BBX: variants seen among roughly 807,000 people sequenced by gnomAD.
BBX encodes the protein BBX high mobility group box domain containing.
BBX carries 30 observed loss-of-function variants against 100.2 expected under a neutral mutation model. The ratio of observed to expected loss-of-function variants is 0.30; its 90% confidence interval spans 0.22 to 0.41. The LOEUF is 0.41. Ranked by LOEUF, BBX falls within the 10% of genes least tolerant of loss-of-function variation. BBX has a pLI of 1.00. For missense variants in BBX, 1,023 were observed against 1,129.8 expected, an observed-to-expected ratio of 0.91 and a Z score of 1.35; for synonymous variants, 376 against 388.1, an observed-to-expected ratio of 0.97 and a Z score of 0.37.
chr3:107,715,416 AGT>A (rs2062033095), intron 4 of BBX, among the ~76,000 whole-genome samples: 1 of 152,224 alleles, frequency 6.6e-6, no homozygotes, highest in Non-Finnish European at 1.5e-5. Flanking sequence ...TTACAAGTTG[AGT>A]ATCCCTAATC....
In BBX at chr3:107,789,835, A is replaced by G. The variant is rs1427242296; in HGVS notation, c.2252A>G (p.Lys751Arg). 6.4e-7 allele frequency: 1 copy of G among 1,550,454 alleles called. No homozygotes were observed. Among genetic ancestry groups the G allele is most frequent in the South Asian group, 1.2e-5 (1 of 83,900 alleles). The change falls in exon 14 of 18, where the codon AAA becomes AGA. Residue 751 changes from lysine to arginine, a missense_variant. Physicochemically the swap from Lys to Arg is conservative, Grantham distance 26 (BLOSUM62 2). This residue lies in a region of BBX where 215 missense variants were observed against 211.3 expected (regional missense o/e 1.02). Transcript: ENST00000325805. ...KKNLFHKIVS[K>R]YKHKKEKPNV... ...AACTTATTCCACAAAATTGTCAGCA[A>G]ATATAAGCACAAAAAGGAGAAGCCC...
At chr3:107,747,228 A>AGT (rs148845246) in intron 8 of BBX, among the ~76,000 whole-genome samples, 3,806 of 148,154 alleles carry the variant, frequency 0.026, 92 homozygotes, top group African/African-American at 0.068. Flanking sequence ...CTAACGTGTG[A>AGT]GTGTGTGTGT....
chr3:107,636,619 T>G (rs527965361), intron 2 of BBX, among the ~76,000 whole-genome samples: 1 of 152,230 alleles, frequency 6.6e-6, no homozygotes, highest in Non-Finnish European at 1.5e-5. Flanking sequence ...GTAGTACTTA[T>G]AATTGGTGCC....
chr3:107,774,848 G>C lies in BBX; in HGVS notation c.2045G>C (p.Cys682Ser). The change falls in exon 12 of 18, where the codon TGT becomes TCT. Residue 682 changes from cysteine to serine, a missense_variant. By Grantham distance (112) the Cys-to-Ser change is moderately radical. Transcript: ENST00000325805. The part of the protein sequence containing the change: ...KFKKTKPKED[C>S]LLGSAKLDEE... ...AAGAAGACAAAGCCAAAAGAAGACT[G>C]TCTCCTTGGGTAAGTGCCTGTGAGC... 6.2e-7 allele frequency: 1 copy of C among 1,613,024 alleles called. No individual in the cohort carries two copies. Among genetic ancestry groups the C allele is most frequent in the Non-Finnish European group, 8.5e-7 (1 of 1,179,384 alleles).
intron 14 of BBX, among the ~76,000 whole-genome samples, chr3:107,790,815 T>A (rs1450435129): frequency 6.6e-6 from 1 of 152,242 alleles, no homozygotes; most frequent in Non-Finnish European, 1.5e-5. Flanking sequence ...TGTATGTTCC[T>A]GTATGTAACC....
chr3:107,562,347 A>G (rs921111762), intron 2 of BBX, among the ~76,000 whole-genome samples: 6 of 152,220 alleles, frequency 3.9e-5, no homozygotes, highest in Non-Finnish European at 7.3e-5. Context: ...TGTGTTTTAT[A>G]GAGGGCAGAT....
intron 2 of BBX, among the ~76,000 whole-genome samples, chr3:107,536,846 C>T (rs1167005941): frequency 6.6e-6 from 1 of 152,048 alleles, no homozygotes; most frequent in Admixed American, 6.6e-5. Context: ...CTGGAAAAGG[C>T]TAGTCAATGT....
At chr3:107,606,213 G>A (rs1367689033) in intron 2 of BBX, among the ~76,000 whole-genome samples, 1 of 152,162 alleles carries the variant, frequency 6.6e-6, no homozygotes, top group Admixed American at 6.5e-5. Context: ...GAGAAATAAT[G>A]TTCACAACAA....
At chr3:107,657,923 C>CA (rs2058239879) in intron 3 of BBX, among the ~76,000 whole-genome samples, 2 of 152,134 alleles carry the variant, frequency 1.3e-5, no homozygotes, top group African/African-American at 4.8e-5. Flanking sequence ...GAAAGAAATC[C>CA]AATCAGATCT....
chr3:107,605,088 C>T (rs939332602), intron 2 of BBX, among the ~76,000 whole-genome samples: 1 of 152,132 alleles, frequency 6.6e-6, no homozygotes, highest in African/African-American at 2.4e-5. Flanking sequence ...ACATGATAAC[C>T]ATTGCATTCT....
At chr3:107,663,879 C>T (rs1023819021) in intron 3 of BBX, among the ~76,000 whole-genome samples, 2 of 151,036 alleles carry the variant, frequency 1.3e-5, no homozygotes, top group African/African-American at 2.4e-5. Flanking sequence ...CATCTCGGCT[C>T]ACTGCAAGCT....
chr3:107,805,650 T>A lies in BBX; in HGVS notation c.*193T>A, dbSNP rs2071013637. ...TTGTTCTCTCAGAACCCAGAATCTT[T>A]GAGGGTAAGGTTATCTGTCTGATAC... On this transcript the variant is annotated 3_prime_UTR_variant, in exon 18 of 18. Transcript: ENST00000325805. 9.4e-7 allele frequency: 1 copy of A among 1,058,838 alleles called. No individual in the cohort carries two copies. Among genetic ancestry groups the A allele is most frequent in the African/African-American group, 1.6e-5 (1 of 62,386 alleles). The allele number at this position is 1,058,838 out of a possible 1,614,324, so 65.6% of individuals were successfully genotyped here. A position where few individuals can be genotyped will look rare whatever the true frequency, so the allele number is the denominator to read the frequency against.
At chr3:107,748,657 GGAGCCCTGGCCTCAA>G (rs1350778647) in intron 9 of BBX, among the ~76,000 whole-genome samples, 3 of 152,148 alleles carry the variant, frequency 2.0e-5, no homozygotes, top group Admixed American at 2.0e-4. Context: ...TTTTGCCACA[GGAGCCCTGGCCTCAA>G]CCATATGCTC....
At chr3:107,727,729 T>A (rs1268348194) in intron 5 of BBX, among the ~76,000 whole-genome samples, 1 of 152,124 alleles carries the variant, frequency 6.6e-6, no homozygotes, top group African/African-American at 2.4e-5. Context: ...ATAAGGAAAG[T>A]ATATAGCAAG....
chr3:107,613,944 T>TG (rs2055046449), intron 2 of BBX, among the ~76,000 whole-genome samples: 1 of 109,554 alleles, frequency 9.1e-6, no homozygotes, highest in Non-Finnish European at 1.7e-5. Flanking sequence ...TACCATGGTT[T>TG]TTTTTTTTTT....
rs767534883 is a variant in BBX at position 107,778,365 on chromosome 3, T to C, written c.2055-6T>C. Reference sequence around the variant, plus strand: ...GCTGATTGATTCCCCTCTCCCCTTTTAATAGCTCCGCAAAGCTGGATGAAG... The same window carrying C: ...GCTGATTGATTCCCCTCTCCCCTTTCAATAGCTCCGCAAAGCTGGATGAAG... On this transcript the variant is annotated splice_region_variant and splice_polypyrimidine_tract_variant and intron_variant, in intron 12 of 17. Transcript: ENST00000325805. 8 of 1,613,098 alleles carry C rather than the reference T, an allele frequency of 5.0e-6. No individual in the cohort carries two copies. In the Admixed American group the frequency reaches 1.3e-4, roughly 27 times the overall value.
intron 2 of BBX, among the ~76,000 whole-genome samples, chr3:107,549,368 T>C (rs535977926): frequency 4.6e-5 from 7 of 152,084 alleles, no homozygotes; most frequent in Admixed American, 1.3e-4. Flanking sequence ...TGGCTATATG[T>C]TATAGGAAAA....
chr3:107,739,667 A>G (rs931396894), intron 7 of BBX, among the ~76,000 whole-genome samples: 27 of 152,310 alleles, frequency 1.8e-4, no homozygotes, highest in Admixed American at 1.4e-3. Context: ...GCTGGGCTCG[A>G]AAGAGAAGGG....
chr3:107,766,713 C>T (rs938019967), intron 10 of BBX, among the ~76,000 whole-genome samples: 1 of 152,122 alleles, frequency 6.6e-6, no homozygotes, highest in Admixed American at 6.5e-5. Flanking sequence ...TGGGCATATA[C>T]CCAAAGGATT....
Sources: gnomAD v4.1 joint callset for allele counts (sites outside exome capture counted in the v4.1 genomes callset) on GRCh38, gnomAD v4.1.1 for gene constraint, gnomAD v4.1.1 regional missense constraint, MANE v1.5 for transcripts, NCBI Gene and HGNC (gene_info 2026-07-23, HGNC 2026-07-21) for gene names.